The following TCF12 variants were observed in gnomAD, a reference collection of about 807,000 sequenced individuals.
TCF12 encodes transcription factor 12, also known as DNA-binding protein HTF4.
Under a neutral mutation model 86.0 loss-of-function variants are expected in TCF12, and 45 were observed. The observed-to-expected ratio is 0.52, with a 90% CI of 0.41 to 0.67. The LOEUF (loss-of-function observed/expected upper bound fraction) is 0.67. Ranked by LOEUF, TCF12 falls within the 30% of genes least tolerant of loss-of-function variation. TCF12 has a pLI of 0.00. For synonymous variants in TCF12, 330 were observed against 299.6 expected, an observed-to-expected ratio of 1.10 and a Z score of -1.05; for missense variants, 881 against 859.9, an observed-to-expected ratio of 1.02 and a Z score of -0.31.
At chr15:57,103,562 A>G (rs2049908620) in intron 5 of TCF12, among the ~76,000 whole-genome samples, 1 of 152,236 alleles carries the variant, frequency 6.6e-6, no homozygotes, top group Non-Finnish European at 1.5e-5. Context: ...ATACCCAATA[A>G]AAGAAGACAT....
chr15:57,045,760 G>C (rs117783376), intron 3 of TCF12, among the ~76,000 whole-genome samples: 197 of 152,204 alleles, frequency 1.3e-3, no homozygotes, highest in Middle Eastern at 3.4e-3. Flanking sequence ...TTCCCAGGCT[G>C]TTCTCAAACT....
chr15:56,919,077 G>GGGGT, intron 1 of TCF12, 171 bp downstream of exon 1: 1 of 152,012 alleles, frequency 6.6e-6, no homozygotes, highest in African/African-American at 2.4e-5. Context: ...CGGAGTGGGG[G>GGGGT]CGGAGGCTCG....
At chr15:57,012,433 T>A (rs1813251476) in intron 3 of TCF12, among the ~76,000 whole-genome samples, 1 of 152,216 alleles carries the variant, frequency 6.6e-6, no homozygotes, top group African/African-American at 2.4e-5. Context: ...CTTCACCTAT[T>A]AAGATATATA....
intron 19 of TCF12, among the ~76,000 whole-genome samples, chr15:57,277,689 C>G (rs1356155430): frequency 6.6e-6 from 1 of 151,018 alleles, no homozygotes; most frequent in South Asian, 2.1e-4. Context: ...GTAATCCCAG[C>G]ACAGTGGGAG....
At chr15:57,250,041 A>C (rs960575426) in intron 13 of TCF12, among the ~76,000 whole-genome samples, 1 of 150,388 alleles carries the variant, frequency 6.6e-6, no homozygotes, top group Admixed American at 6.6e-5. Context: ...TTCTTTTTCT[A>C]TCTTTATTTT....
intron 3 of TCF12, among the ~76,000 whole-genome samples, chr15:56,985,981 A>C (rs1258832989): frequency 6.6e-6 from 1 of 152,114 alleles, no homozygotes; most frequent in Non-Finnish European, 1.5e-5. Flanking sequence ...GGGAAGAGGG[A>C]TATTTTGAGA....
intron 3 of TCF12, among the ~76,000 whole-genome samples, chr15:56,997,943 A>G (rs1032757558): frequency 2.0e-5 from 3 of 152,372 alleles, no homozygotes. Flanking sequence ...CTTCAGAGCT[A>G]AGCTAATACC....
In TCF12 at chr15:57,160,015, A is replaced by G. The variant is rs181576344; in HGVS notation, c.326-6387A>G. Among the ~76,000 whole-genome samples, 15 of 152,302 alleles carry G rather than the reference A, an allele frequency of 9.8e-5. No homozygotes were observed. In the East Asian group the frequency reaches 1.3e-3, roughly 14 times the overall value. On this transcript the variant is annotated intron_variant, in intron 5 of 20. Transcript: ENST00000333725. Reference sequence around the variant, plus strand: ...ATTATCTCTGTCTGTTTCCTCATCAATACATTATTTTCTATTGATAACAAC... The same window carrying G: ...ATTATCTCTGTCTGTTTCCTCATCAGTACATTATTTTCTATTGATAACAAC...
chr15:57,027,786 C>G (rs1469913280), intron 3 of TCF12, among the ~76,000 whole-genome samples: 1 of 152,102 alleles, frequency 6.6e-6, no homozygotes, highest in Non-Finnish European at 1.5e-5. Context: ...TTTTCCCTTA[C>G]TGTTCTCATG....
At chr15:56,938,648 T>G (rs1170049748) in intron 3 of TCF12, among the ~76,000 whole-genome samples, 7 of 151,874 alleles carry the variant, frequency 4.6e-5, no homozygotes, top group Non-Finnish European at 8.8e-5. Context: ...AGACTTTTTT[T>G]TTTTTTTTTT....
At chr15:57,116,098 T>A (rs1212645926) in intron 5 of TCF12, among the ~76,000 whole-genome samples, 1 of 152,166 alleles carries the variant, frequency 6.6e-6, no homozygotes, top group African/African-American at 2.4e-5. Flanking sequence ...CACCTTATAG[T>A]TGAGGAAACT....
chr15:57,022,209 C>T (rs537162491), intron 3 of TCF12, among the ~76,000 whole-genome samples: 2 of 151,862 alleles, frequency 1.3e-5, no homozygotes, highest in Non-Finnish European at 2.9e-5. Context: ...TAATGCTGTC[C>T]CTCCCCCAGC....
intron 3 of TCF12, among the ~76,000 whole-genome samples, chr15:56,941,347 A>T (rs1407132358): frequency 6.6e-6 from 1 of 151,498 alleles, no homozygotes; most frequent in African/African-American, 2.4e-5. Context: ...AACCTGGATG[A>T]TAGTGTGGGA....
At chr15:57,267,986 C>G (rs546335709) in intron 18 of TCF12, among the ~76,000 whole-genome samples, 3 of 152,278 alleles carry the variant, frequency 2.0e-5, no homozygotes, top group Non-Finnish European at 4.4e-5. Context: ...AATAAAGATA[C>G]TATATCTACT....
At chr15:56,920,116 T>C in intron 2 of TCF12, 128 bp downstream of exon 2, 2 of 1,017,452 alleles carry the variant, frequency 2.0e-6, no homozygotes, top group East Asian at 2.6e-5. Context: ...CCATCTGCTT[T>C]CTGCTTAAGC....
At chr15:57,207,746 A>G (rs554502680) in intron 8 of TCF12, among the ~76,000 whole-genome samples, 8 of 152,268 alleles carry the variant, frequency 5.3e-5, no homozygotes, top group South Asian at 2.1e-4. Context: ...GAGCTTGACA[A>G]TTTTTTAAAC....
intron 4 of TCF12, among the ~76,000 whole-genome samples, chr15:57,083,014 C>G (rs2048407392): frequency 6.6e-6 from 1 of 152,034 alleles, no homozygotes; most frequent in Non-Finnish European, 1.5e-5. Flanking sequence ...TGTCAGCATA[C>G]ATCAGTCTTA....
At chr15:57,186,378 A>C (rs2056666895) in intron 6 of TCF12, among the ~76,000 whole-genome samples, 1 of 152,198 alleles carries the variant, frequency 6.6e-6, no homozygotes, top group Admixed American at 6.5e-5. Context: ...ATCCACCTGC[A>C]GTCCTAGCTA....
At chr15:57,154,572 GCT>G (rs2053987272) in intron 5 of TCF12, among the ~76,000 whole-genome samples, 1 of 152,054 alleles carries the variant, frequency 6.6e-6, no homozygotes, top group Non-Finnish European at 1.5e-5. Flanking sequence ...CGACTTCTCA[GCT>G]CTCTCTACCA....
Sources: gnomAD v4.1 joint callset for allele counts (sites outside exome capture counted in the v4.1 genomes callset) on GRCh38, gnomAD v4.1.1 for gene constraint, MANE v1.5 for transcripts, NCBI Gene and HGNC (gene_info 2026-07-23, HGNC 2026-07-21) for gene names.